TNRC6C: variants seen among roughly 807,000 people sequenced by gnomAD.
TNRC6C encodes the protein trinucleotide repeat-containing gene 6C protein.
TNRC6C carries 20 observed loss-of-function variants against 153.7 expected under a neutral mutation model. The ratio of observed to expected loss-of-function variants is 0.13; its 90% confidence interval spans 0.09 to 0.19. TNRC6C has a LOEUF of 0.19. Ranked by LOEUF, TNRC6C falls within the 10% of genes least tolerant of loss-of-function variation. The probability of loss-of-function intolerance (pLI) is 1.00; values close to 1 mark genes in which losing one functional copy is unlikely to be tolerated. For missense variants in TNRC6C, 1,987 were observed against 2,172.0 expected, an observed-to-expected ratio of 0.91 and a Z score of 1.69; for synonymous variants, 811 against 841.4, an observed-to-expected ratio of 0.96 and a Z score of 0.63.
At chr17:78,006,489 TTCTTTCTTCTTCTTCTTCTTCTTC>T (rs2071499786) in intron 1 of TNRC6C, among the ~76,000 whole-genome samples, 1 of 141,928 alleles carries the variant, frequency 7.0e-6, no homozygotes, top group Non-Finnish European at 1.5e-5. Context: ...CTTCTTCTTC[TTCTTTCTTCTTCTTCTTCTTCTTC>T]TTCTTCTTCT....
At position 78,028,759 on chromosome 17, in the gene TNRC6C, G is replaced by C. The variant is rs559561769; in HGVS notation, c.-545-2757G>C. 2.0e-5 allele frequency among the ~76,000 whole-genome samples: 3 copies of C among 152,288 alleles called. No homozygotes were observed. In the East Asian group the frequency reaches 5.8e-4, roughly 29 times the overall value. On this transcript the variant is annotated intron_variant, in intron 1 of 19. Transcript: ENST00000301624. ...TACATAAAAGGTATGTACAGAACTA[G>C]GCATAAACTCATTTTGTACATAGCT...
intron 1 of TNRC6C, among the ~76,000 whole-genome samples, chr17:78,017,334 G>A (rs558056825): frequency 2.0e-5 from 3 of 152,156 alleles, no homozygotes; most frequent in Non-Finnish European, 4.4e-5. Flanking sequence ...CTCCTGCTCT[G>A]TTCAGACCAG....
intron 3 of TNRC6C, among the ~76,000 whole-genome samples, chr17:78,053,896 A>G (rs1015604416): frequency 6.6e-6 from 1 of 152,138 alleles, no homozygotes; most frequent in Admixed American, 6.5e-5. Context: ...AGCTCCAGGA[A>G]CAGAATTAAT....
intron 13 of TNRC6C, among the ~76,000 whole-genome samples, chr17:78,089,273 T>C (rs1398742037): frequency 6.6e-6 from 1 of 152,222 alleles, no homozygotes; most frequent in African/African-American, 2.4e-5. Context: ...CGACCACTTA[T>C]CTTTACTCTT....
At chr17:77,984,377 A>C (rs551890427) in intron 1 of TNRC6C, among the ~76,000 whole-genome samples, 96 of 151,964 alleles carry the variant, frequency 6.3e-4, no homozygotes, top group African/African-American at 2.3e-3. Flanking sequence ...AACAAAAAAA[A>C]AAACAGCCAC....
At chr17:78,014,142 T>C (rs1461511172) in intron 1 of TNRC6C, among the ~76,000 whole-genome samples, 2 of 152,220 alleles carry the variant, frequency 1.3e-5, no homozygotes, top group Non-Finnish European at 2.9e-5. Context: ...ATTTGAGACA[T>C]AATTCCACTT....
chr17:78,040,659 T>C (rs1280321077), intron 2 of TNRC6C, among the ~76,000 whole-genome samples: 2 of 152,228 alleles, frequency 1.3e-5, no homozygotes, highest in African/African-American at 4.8e-5. Context: ...CAAAATGCCG[T>C]TATTCTTTTG....
intron 1 of TNRC6C, among the ~76,000 whole-genome samples, chr17:77,960,135 C>T (rs2070849838): frequency 6.6e-6 from 1 of 152,164 alleles, no homozygotes; most frequent in Non-Finnish European, 1.5e-5. Context: ...ATTGGTGATT[C>T]TGCACGTAAT....
At chr17:78,004,073 C>T (rs555404521), upstream of TNRC6C, 1,471 of 1,227,436 alleles carry the variant, frequency 1.2e-3, 3 homozygotes, top group Non-Finnish European at 1.4e-3. Flanking sequence ...ATACCATATG[C>T]GAAATTCTGA....
At chr17:78,086,644 A>G in intron 12 of TNRC6C, 58 bp downstream of exon 14, 1 of 1,567,238 alleles carries the variant, frequency 6.4e-7, no homozygotes. Flanking sequence ...GATAGAAGAG[A>G]CGCTAATTGA....
chr17:78,014,267 C>CA (rs1481317521), intron 1 of TNRC6C, among the ~76,000 whole-genome samples: 2 of 152,148 alleles, frequency 1.3e-5, no homozygotes, highest in African/African-American at 4.8e-5. Context: ...AGGGAACTGA[C>CA]AAGCTCTACA....
chr17:78,054,893 C>T (rs1176896274), intron 3 of TNRC6C, among the ~76,000 whole-genome samples: 2 of 150,890 alleles, frequency 1.3e-5, no homozygotes, highest in Non-Finnish European at 3.0e-5. Context: ...TGTACGCTAC[C>T]ATACACCACT....
Position 78,049,012 on chromosome 17 carries a change from T to G in TNRC6C, c.-51T>G. The G allele has an allele frequency of 7.0e-7, 1 of 1,434,660 alleles. No individual in the cohort carries two copies. The highest frequency in any genetic ancestry group is 1.7e-5 in the South Asian group (1 of 59,382). 88.9% of individuals were successfully genotyped at this position (1,434,660 alleles called of 1,614,324 possible). A position where few individuals can be genotyped will look rare whatever the true frequency, so the allele number is the denominator to read the frequency against. On this transcript the variant is annotated 5_prime_UTR_variant, in exon 3 of 20. Transcript: ENST00000301624. This position sits in a 1 kb window ranked among gnomAD's most constrained non-coding sequence, Gnocchi z 4.1. ...AACAGAGACTGAATCTGCCTCAGAA[T>G]GTACTACAGACACTGACTCTGCCTC...
chr17:77,967,107 T>C (rs921826334), intron 1 of TNRC6C, among the ~76,000 whole-genome samples: 4 of 152,226 alleles, frequency 2.6e-5, no homozygotes, highest in Admixed American at 2.0e-4. Flanking sequence ...AGGTGATGAA[T>C]GAGGATCTTA....
At chr17:78,083,567 A>C (rs2144451998) in intron 11 of TNRC6C, among the ~76,000 whole-genome samples, 1 of 152,342 alleles carries the variant, frequency 6.6e-6, no homozygotes, top group South Asian at 2.1e-4. Context: ...ATGTCTTTTC[A>C]GTTGAGCTCT....
At chr17:78,013,247 A>G (rs539310268) in intron 1 of TNRC6C, among the ~76,000 whole-genome samples, 24 of 152,200 alleles carry the variant, frequency 1.6e-4, no homozygotes, top group Admixed American at 4.6e-4. Flanking sequence ...GGAGAGTTTT[A>G]AGTAGGAGAG....
intron 1 of TNRC6C, among the ~76,000 whole-genome samples, chr17:78,030,226 T>C (rs1351323693): frequency 6.6e-6 from 1 of 152,160 alleles, no homozygotes; most frequent in Non-Finnish European, 1.5e-5. Context: ...CTCGGCTCAC[T>C]GCAACCTCCA....
chr17:77,986,143 A>G (rs888999231), intron 1 of TNRC6C, among the ~76,000 whole-genome samples: 5 of 152,170 alleles, frequency 3.3e-5, no homozygotes, highest in Non-Finnish European at 7.4e-5. Flanking sequence ...TGGGCTGGGC[A>G]CAGTGGCTCA....
intron 16 of TNRC6C, among the ~76,000 whole-genome samples, chr17:78,094,702 A>C (rs2144587819): frequency 6.6e-6 from 1 of 152,270 alleles, no homozygotes; most frequent in South Asian, 2.1e-4. Flanking sequence ...GGCCTCCCAA[A>C]GTGCTGGGAT....
Sources: allele counts gnomAD v4.1 joint callset (sites outside exome capture counted in the v4.1 genomes callset), GRCh38; gene constraint gnomAD v4.1.1; non-coding constraint Gnocchi (gnomAD v3.1); transcripts MANE v1.5; gene names NCBI Gene and HGNC (gene_info 2026-07-23, HGNC 2026-07-21).